PRKCE: variants seen among roughly 807,000 people sequenced by gnomAD.
PRKCE encodes protein kinase C epsilon.
In PRKCE, 16 loss-of-function variants were observed where a neutral mutation model predicts 85.4. The ratio of observed to expected loss-of-function variants is 0.19; its 90% CI spans 0.13 to 0.28. PRKCE has a LOEUF of 0.28. PRKCE is among the 10% of genes least tolerant of loss of function. The probability of loss-of-function intolerance (pLI) is 1.00; values close to 1 mark genes in which losing one functional copy is unlikely to be tolerated. For synonymous variants in PRKCE, 388 were observed against 371.5 expected (o/e 1.04, Z -0.51); for missense variants, 573 against 975.2 (o/e 0.59, Z 5.49).
chr2:45,867,535 T>C (rs1247322148), intron 2 of PRKCE, among the ~76,000 whole-genome samples: 5 of 152,266 alleles, frequency 3.3e-5, no homozygotes, highest in African/African-American at 1.2e-4. Context: ...TGCTTTTATT[T>C]GGGGGAATTT....
intron 1 of PRKCE, among the ~76,000 whole-genome samples, chr2:45,681,132 T>C (rs1423700938): frequency 1.3e-5 from 2 of 151,326 alleles, no homozygotes; most frequent in East Asian, 3.9e-4. Context: ...CTACTAAAAA[T>C]ACAAAAATTA....
intron 10 of PRKCE, among the ~76,000 whole-genome samples, chr2:46,021,047 C>T (rs1255673917): frequency 6.6e-6 from 1 of 152,074 alleles, no homozygotes; most frequent in Non-Finnish European, 1.5e-5. Context: ...CCCACCTTTG[C>T]CTCCTGGGGG....
At chr2:46,156,450 C>T (rs1037860948) in intron 13 of PRKCE, among the ~76,000 whole-genome samples, 5 of 152,170 alleles carry the variant, frequency 3.3e-5, no homozygotes, top group South Asian at 4.1e-4. Context: ...CTACATGCCC[C>T]GTGAGGGCAG....
At chr2:45,827,174 C>T (rs1184804872) in intron 1 of PRKCE, among the ~76,000 whole-genome samples, 2 of 152,216 alleles carry the variant, frequency 1.3e-5, no homozygotes, top group Admixed American at 6.5e-5. Flanking sequence ...TGGCAAAGAC[C>T]AAGTCTTCCC....
At chr2:45,750,398 G>A (rs1683460123) in intron 1 of PRKCE, among the ~76,000 whole-genome samples, 1 of 152,196 alleles carries the variant, frequency 6.6e-6, no homozygotes, top group Non-Finnish European at 1.5e-5. Flanking sequence ...TTGTGTGTGT[G>A]TCCTGTTGAT....
chr2:45,968,755 G>C (rs1701903234), intron 2 of PRKCE, among the ~76,000 whole-genome samples: 3 of 152,182 alleles, frequency 2.0e-5, no homozygotes, highest in East Asian at 1.9e-4. Flanking sequence ...TTTCCAGCTT[G>C]CTTTTTGTGT....
chr2:45,749,260 A>G (rs755134458), intron 1 of PRKCE, among the ~76,000 whole-genome samples: 17 of 152,198 alleles, frequency 1.1e-4, no homozygotes, highest in Non-Finnish European at 2.1e-4. Context: ...CAGAAAAGCC[A>G]ATCTATTTAA....
At chr2:46,015,367 C>T (rs1047652472) in intron 10 of PRKCE, among the ~76,000 whole-genome samples, 38 of 151,982 alleles carry the variant, frequency 2.5e-4, no homozygotes, top group African/African-American at 8.7e-4. Context: ...ATGATTTTTC[C>T]TCTTTAAAAA....
intron 6 of PRKCE, among the ~76,000 whole-genome samples, chr2:45,993,665 T>A (rs1173946100): frequency 6.6e-6 from 1 of 152,118 alleles, no homozygotes; most frequent in Non-Finnish European, 1.5e-5. Context: ...GCTCTTTTAT[T>A]CTCTTTTCCG....
rs145239615 is a variant in PRKCE at position 45,672,188 on chromosome 2, C to G, written c.348+19740C>G. Among the ~76,000 whole-genome samples, 76 of 152,196 alleles carry G rather than the reference C, an allele frequency of 5.0e-4. 1 individual carries two copies. Among genetic ancestry groups the G allele is most frequent in the African/African-American group, 1.8e-3 (73 of 41,532 alleles). On this transcript the variant is annotated intron_variant, in intron 1 of 14. Transcript: ENST00000306156. ...TGCTATATCATGCTGCATCCAGTCACCATTCATCCATCATGCTTCCATCAT... is the reference window on the plus strand; with the variant it reads ...TGCTATATCATGCTGCATCCAGTCAGCATTCATCCATCATGCTTCCATCAT...
At chr2:46,132,919 A>G (rs1295826784) in intron 11 of PRKCE, among the ~76,000 whole-genome samples, 1 of 152,042 alleles carries the variant, frequency 6.6e-6, no homozygotes, top group East Asian at 1.9e-4. Context: ...GGTGACCCCC[A>G]CTTTGCAGGA....
At chr2:46,121,522 A>C (rs1379107351) in intron 11 of PRKCE, among the ~76,000 whole-genome samples, 1 of 152,158 alleles carries the variant, frequency 6.6e-6, no homozygotes, top group Non-Finnish European at 1.5e-5. Flanking sequence ...ACAGCATCAC[A>C]CAGTGGACTC....
chr2:45,700,302 A>G (rs1376474921), intron 1 of PRKCE, among the ~76,000 whole-genome samples: 4 of 151,950 alleles, frequency 2.6e-5, no homozygotes, highest in Non-Finnish European at 5.9e-5. Context: ...AAAGAAATGG[A>G]AAACTAAGGG....
chr2:45,846,091 C>T (rs78463907), intron 2 of PRKCE, among the ~76,000 whole-genome samples: 35 of 152,198 alleles, frequency 2.3e-4, no homozygotes, highest in African/African-American at 8.2e-4. Context: ...TTACTTGCAT[C>T]GTAAGTAATA....
intron 1 of PRKCE, among the ~76,000 whole-genome samples, chr2:45,703,417 A>G (rs1678842377): frequency 6.6e-6 from 1 of 152,118 alleles, no homozygotes; most frequent in South Asian, 2.1e-4. Flanking sequence ...ATGTACTTGT[A>G]GTCCCAGCTA....
intron 10 of PRKCE, among the ~76,000 whole-genome samples, chr2:46,042,878 G>T (rs1344613523): frequency 2.0e-5 from 3 of 152,172 alleles, no homozygotes; most frequent in Non-Finnish European, 4.4e-5. Flanking sequence ...TGATTGCCAC[G>T]CAATGTTCTT....
At chr2:46,129,568 G>T (rs1356032764) in intron 11 of PRKCE, among the ~76,000 whole-genome samples, 1 of 152,218 alleles carries the variant, frequency 6.6e-6, no homozygotes, top group Non-Finnish European at 1.5e-5. Context: ...TGAGTGTATG[G>T]GTTTTTTTCT....
intron 1 of PRKCE, among the ~76,000 whole-genome samples, chr2:45,735,031 A>T (rs1681930328): frequency 6.6e-6 from 1 of 152,244 alleles, no homozygotes; most frequent in African/African-American, 2.4e-5. Flanking sequence ...GTTTCTGAGA[A>T]CAGTCTTCAA....
chr2:46,015,479 G>T (rs554698726), intron 10 of PRKCE, among the ~76,000 whole-genome samples: 1 of 152,236 alleles, frequency 6.6e-6, no homozygotes, highest in South Asian at 2.1e-4. Context: ...GAAACAAAGG[G>T]TGAACTAGAG....
Sources: allele counts gnomAD v4.1 joint callset (sites outside exome capture counted in the v4.1 genomes callset), GRCh38; gene constraint gnomAD v4.1.1; transcripts MANE v1.5; gene names NCBI Gene and HGNC (gene_info 2026-07-23, HGNC 2026-07-21).